The following VPS13B variants were observed in gnomAD, a reference collection of about 807,000 sequenced individuals.
The protein encoded by VPS13B is intermembrane lipid transfer protein VPS13B.
Under a neutral mutation model 426.4 loss-of-function variants are expected in VPS13B, and 285 were observed. The observed-to-expected ratio is 0.67, with a 90% CI of 0.61 to 0.74. The LOEUF (loss-of-function observed/expected upper bound fraction) is 0.74. Ranked by LOEUF, VPS13B falls within the 30% of genes least tolerant of loss-of-function variation. The pLI is 0.00. For missense variants in VPS13B, 4,537 were observed against 4,782.6 expected (o/e 0.95, Z 1.51); for synonymous variants, 1,676 against 1,676.4 (o/e 1.00, Z 0.01).
chr8:99,465,505 A>G (rs908365607), intron 23 of VPS13B, among the ~76,000 whole-genome samples: 2 of 151,812 alleles, frequency 1.3e-5, no homozygotes, highest in African/African-American at 2.4e-5. Context: ...GATAGTACCA[A>G]TGTTATTTGG....
At chr8:99,501,204 C>A (rs1373728942) in intron 25 of VPS13B, among the ~76,000 whole-genome samples, 1 of 152,116 alleles carries the variant, frequency 6.6e-6, no homozygotes, top group Non-Finnish European at 1.5e-5. Context: ...AAGGGGTAGA[C>A]AAATATTTTT....
chr8:99,392,693 C>T (rs141390474), intron 21 of VPS13B, among the ~76,000 whole-genome samples: 269 of 152,062 alleles, frequency 1.8e-3, no homozygotes, highest in Middle Eastern at 0.01. Context: ...ATTTAACAAC[C>T]AAAATGCTAA....
In VPS13B at chr8:99,853,902, C is replaced by T. The variant is rs763017122; in HGVS notation, c.10513C>T (p.Arg3505Trp). Residue 3505 changes from arginine to tryptophan, a missense_variant, in exon 56 of 62, where the codon CGG becomes TGG. Physicochemically the swap from Arg to Trp is moderately radical, Grantham distance 101 (BLOSUM62 -3). Transcript: ENST00000357162. ...GTTCAGCTTTGAATTAAAACCTGCT[C>T]GGTTATACGTGGAAGACACATTTGT... ...NEFSFELKPARLYVEDTFVYY... is the reference protein window; with the variant it reads ...NEFSFELKPAWLYVEDTFVYY... 5.6e-6 allele frequency: 9 copies of T among 1,614,080 alleles called. No individual in the cohort carries two copies. Among genetic ancestry groups the T allele is most frequent in the African/African-American group, 2.7e-5 (2 of 74,936 alleles).
intron 3 of VPS13B, among the ~76,000 whole-genome samples, chr8:99,059,473 G>A (rs905492670): frequency 1.4e-4 from 22 of 152,064 alleles, no homozygotes; most frequent in Admixed American, 9.8e-4. Flanking sequence ...ACCATACCCA[G>A]CCTCTTTTTG....
chr8:99,156,002 G>A (rs958393004), intron 14 of VPS13B, among the ~76,000 whole-genome samples: 2 of 152,134 alleles, frequency 1.3e-5, no homozygotes, highest in African/African-American at 4.8e-5. Context: ...TGAGAATACT[G>A]TGCCGTCCTC....
At chr8:99,712,759 CAAAAA>C (rs386360840) in intron 36 of VPS13B, among the ~76,000 whole-genome samples, 1 of 98,142 alleles carries the variant, frequency 1.0e-5, no homozygotes, top group Non-Finnish European at 2.3e-5. Context: ...GTCCCCAAGC[CAAAAA>C]AAAAAAAAAA....
At chr8:99,355,544 T>C (rs1812137000) in intron 19 of VPS13B, among the ~76,000 whole-genome samples, 1 of 152,108 alleles carries the variant, frequency 6.6e-6, no homozygotes, top group Non-Finnish European at 1.5e-5. Context: ...TGAGCCTAGA[T>C]AGCGCCACTG....
At chr8:99,154,128 A>G (rs1470357823) in intron 14 of VPS13B, among the ~76,000 whole-genome samples, 1 of 151,514 alleles carries the variant, frequency 6.6e-6, no homozygotes, top group East Asian at 1.9e-4. Flanking sequence ...CTATGATTTG[A>G]AAATGATGTG....
intron 11 of VPS13B, among the ~76,000 whole-genome samples, chr8:99,136,391 A>G (rs1381572491): frequency 6.6e-6 from 1 of 152,160 alleles, no homozygotes; most frequent in African/African-American, 2.4e-5. Flanking sequence ...TCAGGAGTGT[A>G]CTATCTCCTC....
At chr8:99,602,222 C>G (rs1563819043) in intron 33 of VPS13B, among the ~76,000 whole-genome samples, 2 of 152,174 alleles carry the variant, frequency 1.3e-5, no homozygotes, top group Non-Finnish European at 2.9e-5. Flanking sequence ...ATGTGGCTAG[C>G]CAGTTTTCCC....
intron 55 of VPS13B, among the ~76,000 whole-genome samples, chr8:99,852,215 G>A (rs1241305243): frequency 6.6e-6 from 1 of 152,188 alleles, no homozygotes; most frequent in Non-Finnish European, 1.5e-5. Flanking sequence ...CAAGAGATTG[G>A]TTATAGACAT....
At chr8:99,173,399 T>TA (rs911849782) in intron 16 of VPS13B, among the ~76,000 whole-genome samples, 9 of 151,816 alleles carry the variant, frequency 5.9e-5, no homozygotes, top group East Asian at 3.9e-4. Context: ...CCTTCAAGTC[T>TA]AAAAAAAATT....
chr8:99,248,556 A>G (rs113098476), intron 17 of VPS13B, among the ~76,000 whole-genome samples: 226 of 152,266 alleles, frequency 1.5e-3, no homozygotes, highest in African/African-American at 5.1e-3. Context: ...TTAGTCCATA[A>G]AGATTTGCAG....
At chr8:99,148,054 A>ATTTTTTTTTTT in intron 14 of VPS13B, 44 bp downstream of exon 14, 1 of 1,363,422 alleles carries the variant, frequency 7.3e-7, no homozygotes, top group Non-Finnish European at 1.0e-6. Flanking sequence ...TCATATATGG[A>ATTTTTTTTTTT]TTTTTTTTTT....
At chr8:99,261,306 A>G (rs1331859434) in intron 17 of VPS13B, among the ~76,000 whole-genome samples, 1 of 152,148 alleles carries the variant, frequency 6.6e-6, no homozygotes, top group East Asian at 1.9e-4. Context: ...GCCAAACCCT[A>G]GCAACCACTG....
At chr8:99,659,354 G>A (rs1408941950) in intron 34 of VPS13B, among the ~76,000 whole-genome samples, 4 of 151,688 alleles carry the variant, frequency 2.6e-5, no homozygotes, top group Admixed American at 6.6e-5. Context: ...TATATTAATG[G>A]TATCCCTTTT....
At chr8:99,858,467 T>C (rs1242031536) in intron 56 of VPS13B, among the ~76,000 whole-genome samples, 1 of 152,120 alleles carries the variant, frequency 6.6e-6, no homozygotes. Context: ...CATCAGAATG[T>C]CCCTGTCACA....
chr8:99,539,111 T>A (rs1189597805), intron 30 of VPS13B, among the ~76,000 whole-genome samples: 1 of 152,164 alleles, frequency 6.6e-6, no homozygotes, highest in African/African-American at 2.4e-5. Flanking sequence ...CTTATGATAT[T>A]AATATTTAAG....
intron 55 of VPS13B, among the ~76,000 whole-genome samples, chr8:99,851,833 A>T (rs1816309812): frequency 6.6e-6 from 1 of 152,066 alleles, no homozygotes; most frequent in Non-Finnish European, 1.5e-5. Context: ...AACTCATTGG[A>T]TCATTTTTGA....
Sources: gnomAD v4.1 joint callset for allele counts (sites outside exome capture counted in the v4.1 genomes callset) on GRCh38, gnomAD v4.1.1 for gene constraint, MANE v1.5 for transcripts, NCBI Gene and HGNC (gene_info 2026-07-23, HGNC 2026-07-21) for gene names.